The following GRM1 variants were observed in gnomAD, a reference collection of about 807,000 sequenced individuals.
The protein encoded by GRM1 is glutamate metabotropic receptor 1, also known as metabotropic glutamate receptor 1.
GRM1 carries 33 observed loss-of-function variants against 90.9 expected under a neutral mutation model. That is an observed-to-expected ratio of 0.36 (90% confidence interval 0.28 to 0.49). The LOEUF (loss-of-function observed/expected upper bound fraction) is 0.49. Among genes scored for constraint, GRM1 ranks in the 20% least tolerant of loss-of-function variants. The pLI, the probability that GRM1 is intolerant of heterozygous loss-of-function variation, is 0.99. For synonymous variants in GRM1, 700 were observed against 613.2 expected, an observed-to-expected ratio of 1.14 and a Z score of -2.09; for missense variants, 1,190 against 1,534.3, an observed-to-expected ratio of 0.78 and a Z score of 3.75.
At position 146,422,055 on chromosome 6, in the gene GRM1, G is replaced by C. The variant is rs1040921561; in HGVS notation, c.2661-11817G>C. Among the ~76,000 whole-genome samples the C allele has an allele frequency of 4.6e-5, 7 of 152,000 alleles. 1 individual carries two copies. In the East Asian group the frequency reaches 1.2e-3, roughly 25 times the overall value. On this transcript the variant is annotated intron_variant, in intron 7 of 7. Coordinates refer to ENST00000282753, the MANE Select transcript of GRM1 (RefSeq NM_001278064.2). Reference sequence around the variant, plus strand: ...GGCTGTCATTCTTTATGATTACTTTGGACAGCTGCTGCATTATTATTTCCA... The same window carrying C: ...GGCTGTCATTCTTTATGATTACTTTCGACAGCTGCTGCATTATTATTTCCA...
At chr6:146,193,362 T>C (rs1005096001) in intron 2 of GRM1, among the ~76,000 whole-genome samples, 2 of 152,044 alleles carry the variant, frequency 1.3e-5, no homozygotes, top group Non-Finnish European at 2.9e-5. Context: ...AACCCTGGGG[T>C]ACTGTGACAT....
At chr6:146,032,715 C>T (rs979388684) in intron 1 of GRM1, among the ~76,000 whole-genome samples, 7 of 152,156 alleles carry the variant, frequency 4.6e-5, no homozygotes, top group Non-Finnish European at 5.9e-5. Context: ...TGGGGCCTCT[C>T]GTGACCTTCA....
At chr6:146,394,228 G>A (rs576306634) in intron 6 of GRM1, among the ~76,000 whole-genome samples, 54 of 152,100 alleles carry the variant, frequency 3.6e-4, no homozygotes, top group African/African-American at 9.9e-4. Context: ...ATTATTTCTC[G>A]AATGATGTCC....
At chr6:146,253,415 C>T (rs946403800) in intron 2 of GRM1, among the ~76,000 whole-genome samples, 2 of 152,008 alleles carry the variant, frequency 1.3e-5, no homozygotes, top group African/African-American at 4.8e-5. Flanking sequence ...AGTGAAGGAG[C>T]TGAATTTTAT....
At chr6:146,088,597 A>G (rs1412081) in intron 1 of GRM1, among the ~76,000 whole-genome samples, 58,306 of 151,960 alleles carry the variant, frequency 0.38, 11,753 homozygotes, top group Middle Eastern at 0.52. Flanking sequence ...GTGGACAGAG[A>G]CAATCTTGTT....
intron 1 of GRM1, among the ~76,000 whole-genome samples, chr6:146,107,741 C>T (rs1299809179): frequency 6.6e-6 from 1 of 152,148 alleles, no homozygotes; most frequent in African/African-American, 2.4e-5. Context: ...CTGCGAGTTA[C>T]CTTCCTATTC....
chr6:146,142,765 G>A (rs1355147681), intron 1 of GRM1, among the ~76,000 whole-genome samples: 9 of 152,040 alleles, frequency 5.9e-5, no homozygotes, highest in Non-Finnish European at 1.3e-4. Context: ...AATGCTGTCA[G>A]GCCTGAGACT....
chr6:146,419,806 G>A (rs150617590), intron 7 of GRM1, among the ~76,000 whole-genome samples: 1 of 152,136 alleles, frequency 6.6e-6, no homozygotes, highest in African/African-American at 2.4e-5. Flanking sequence ...ACAGCAAGGG[G>A]GAAGGGGGAA....
At chr6:146,375,128 C>A (rs1776047684) in intron 5 of GRM1, among the ~76,000 whole-genome samples, 1 of 151,946 alleles carries the variant, frequency 6.6e-6, no homozygotes, top group Non-Finnish European at 1.5e-5. Flanking sequence ...TCTTTATTGA[C>A]CCACTAGTCA....
intron 2 of GRM1, among the ~76,000 whole-genome samples, chr6:146,173,683 T>C (rs1286225842): frequency 1.3e-5 from 2 of 151,192 alleles, no homozygotes; most frequent in South Asian, 4.2e-4. Flanking sequence ...TTTTTTTTTT[T>C]CGAGACAGAG....
chr6:146,414,701 C>T (rs964302192), intron 7 of GRM1, among the ~76,000 whole-genome samples: 3 of 152,206 alleles, frequency 2.0e-5, no homozygotes, highest in Non-Finnish European at 4.4e-5. Context: ...CACACCTGGC[C>T]TGCCTTTTAT....
At chr6:146,308,070 T>G (rs1486845627) in intron 3 of GRM1, among the ~76,000 whole-genome samples, 1 of 152,226 alleles carries the variant, frequency 6.6e-6, no homozygotes, top group East Asian at 1.9e-4. Flanking sequence ...AGAGTCACTC[T>G]CTTCCAGTAA....
At chr6:146,082,196 C>T (rs1776385923) in intron 1 of GRM1, among the ~76,000 whole-genome samples, 1 of 152,166 alleles carries the variant, frequency 6.6e-6, no homozygotes, top group South Asian at 2.1e-4. Flanking sequence ...TACACTGTCA[C>T]CCAGGCTGGA....
chr6:146,139,134 A>G (rs915202062), intron 1 of GRM1, among the ~76,000 whole-genome samples: 4 of 152,110 alleles, frequency 2.6e-5, no homozygotes, highest in Middle Eastern at 3.4e-3. Context: ...ATAGTTTTCA[A>G]AATTCCTCTT....
At chr6:146,258,523 A>G (rs753252538) in intron 2 of GRM1, among the ~76,000 whole-genome samples, 13 of 151,272 alleles carry the variant, frequency 8.6e-5, no homozygotes, top group Admixed American at 6.6e-4. Context: ...ATTTTATTTT[A>G]TTCACCTTTT....
intron 7 of GRM1, among the ~76,000 whole-genome samples, chr6:146,413,351 G>T (rs1291687004): frequency 6.6e-6 from 1 of 151,716 alleles, no homozygotes; most frequent in Non-Finnish European, 1.5e-5. Flanking sequence ...AACAATTATT[G>T]GTATTGATTG....
At chr6:146,403,759 T>C (rs532117121) in intron 7 of GRM1, among the ~76,000 whole-genome samples, 1 of 152,226 alleles carries the variant, frequency 6.6e-6, no homozygotes, top group East Asian at 1.9e-4. Context: ...AGTGGCGTGT[T>C]CTCCTCTTTT....
At chr6:146,231,251 C>T (rs749746025) in intron 2 of GRM1, among the ~76,000 whole-genome samples, 3 of 152,074 alleles carry the variant, frequency 2.0e-5, no homozygotes, top group Non-Finnish European at 4.4e-5. Context: ...GCTAAGCACA[C>T]GTGGAGGCAA....
intron 2 of GRM1, among the ~76,000 whole-genome samples, chr6:146,224,340 T>A (rs1407061075): frequency 6.6e-6 from 1 of 152,060 alleles, no homozygotes; most frequent in Non-Finnish European, 1.5e-5. Flanking sequence ...TATATCTTAG[T>A]GACAAAACTA....
Sources: gnomAD v4.1 joint callset for allele counts (sites outside exome capture counted in the v4.1 genomes callset) on GRCh38, gnomAD v4.1.1 for gene constraint, MANE v1.5 for transcripts, NCBI Gene and HGNC (gene_info 2026-07-23, HGNC 2026-07-21) for gene names.